ZFHX3: variants seen among roughly 807,000 people sequenced by gnomAD.
ZFHX3 encodes zinc finger homeobox 3.
In ZFHX3, 42 loss-of-function variants were observed where a neutral mutation model predicts 279.1. That is an observed-to-expected ratio of 0.15 (90% CI 0.12 to 0.19). The LOEUF (loss-of-function observed/expected upper bound fraction) is 0.19, where lower values mean the gene tolerates loss of function less well. ZFHX3 is among the 10% of genes least tolerant of loss of function. The pLI is 1.00. For missense variants in ZFHX3, 4,981 were observed against 4,754.0 expected (o/e 1.05, Z -1.40); for synonymous variants, 2,293 against 1,957.8 (o/e 1.17, Z -4.52).
chr16:72,874,334 G>C (rs1047138535), intron 4 of ZFHX3, among the ~76,000 whole-genome samples: 6 of 150,446 alleles, frequency 4.0e-5, no homozygotes, highest in South Asian at 2.1e-4. Context: ...AGCCTCCCGA[G>C]TGGCTGGGAC....
intron 3 of ZFHX3, among the ~76,000 whole-genome samples, chr16:72,908,286 C>A (rs1228343426): frequency 6.6e-6 from 1 of 152,184 alleles, no homozygotes; most frequent in African/African-American, 2.4e-5. Context: ...GGAGGACTGA[C>A]GCTGAGCTTT....
rs377699912 is a variant in ZFHX3 at position 73,728,015 on chromosome 16, G to GAC, written c.-1607-47776_-1607-47775insGT. Among the ~76,000 whole-genome samples, 400 of 75,478 alleles carry GAC rather than the reference G, an allele frequency of 5.3e-3. 2 individuals carry two copies. Among genetic ancestry groups the GAC allele is most frequent in the Non-Finnish European group, 7.2e-3 (278 of 38,374 alleles). 49.5% of individuals were successfully genotyped at this position (75,478 alleles called of 152,430 possible). A position where few individuals can be genotyped will look rare whatever the true frequency, so the allele number is the denominator to read the frequency against. ...TGGTCCCTTTTATGAGCCGAATTGTGCCCCCCCCCCGCCCCCAATAATTCA... is the reference window on the plus strand; with the variant it reads ...TGGTCCCTTTTATGAGCCGAATTGTGACCCCCCCCCCCGCCCCCAATAATTCA... On this transcript the variant is annotated intron_variant, in intron 1 of 17. Coordinates refer to the ZFHX3 transcript ENST00000641206.
chr16:73,355,787 C>G (rs376853107), intron 3 of ZFHX3, among the ~76,000 whole-genome samples: 1 of 152,178 alleles, frequency 6.6e-6, no homozygotes, highest in African/African-American at 2.4e-5. Context: ...CGCCTACTTT[C>G]CAGGGCTGTG....
At chr16:73,876,138 C>T (rs992980144) in intron 1 of ZFHX3, among the ~76,000 whole-genome samples, 2 of 152,176 alleles carry the variant, frequency 1.3e-5, no homozygotes, top group African/African-American at 4.8e-5. Flanking sequence ...TCCCTGCATG[C>T]GTGATCCTGG....
chr16:73,266,004 T>C (rs2013963262), intron 4 of ZFHX3, among the ~76,000 whole-genome samples: 1 of 151,974 alleles, frequency 6.6e-6, no homozygotes, highest in Non-Finnish European at 1.5e-5. Context: ...TAACAGAGAG[T>C]AGAGGAAACA....
chr16:73,438,712 T>C (rs1215298002), intron 3 of ZFHX3, among the ~76,000 whole-genome samples: 1 of 152,244 alleles, frequency 6.6e-6, no homozygotes, highest in African/African-American at 2.4e-5. Flanking sequence ...TAAATTTGTG[T>C]TAAATTAGAA....
At chr16:73,735,389 A>C (rs545295028) in intron 1 of ZFHX3, among the ~76,000 whole-genome samples, 4 of 151,652 alleles carry the variant, frequency 2.6e-5, no homozygotes, top group African/African-American at 9.6e-5. Context: ...TTCTAAAAAA[A>C]AAAAAAAAAA....
intron 3 of ZFHX3, among the ~76,000 whole-genome samples, chr16:73,446,115 A>G (rs891350288): frequency 6.6e-6 from 1 of 152,144 alleles, no homozygotes; most frequent in Non-Finnish European, 1.5e-5. Flanking sequence ...CAGTAACACA[A>G]AGTTATGGTC....
chr16:72,855,040 C>T (rs185925631), intron 4 of ZFHX3, among the ~76,000 whole-genome samples: 71 of 152,068 alleles, frequency 4.7e-4, no homozygotes, highest in Non-Finnish European at 7.8e-4. Context: ...CTCTACTGTA[C>T]GCAGAGATAA....
At chr16:73,130,693 C>T (rs1427792255) in intron 7 of ZFHX3, among the ~76,000 whole-genome samples, 3 of 152,202 alleles carry the variant, frequency 2.0e-5, no homozygotes, top group African/African-American at 4.8e-5. Flanking sequence ...CGGCAACCTC[C>T]GCTGCCCGGG....
At position 73,340,981 on chromosome 16, in the gene ZFHX3, A is replaced by T. The variant is rs74463159; in HGVS notation, c.-1290-22645T>A. On this transcript the variant is annotated intron_variant, in intron 3 of 17. Transcript: ENST00000641206. ...CAAAATCAAAAGATGCGTGACAAAC[A>T]GGAGAAAACTGTTTGCAATTTGTAT... is the stretch of plus-strand genomic sequence containing the variant. Among the ~76,000 whole-genome samples, 449 of 152,348 alleles carry T rather than the reference A, an allele frequency of 2.9e-3. 2 individuals carry two copies. Among genetic ancestry groups the T allele is most frequent in the African/African-American group, 0.01 (426 of 41,588 alleles).
intron 1 of ZFHX3, among the ~76,000 whole-genome samples, chr16:72,963,628 ATTGT>A (rs949045919): frequency 6.6e-6 from 1 of 152,206 alleles, no homozygotes; most frequent in Non-Finnish European, 1.5e-5. Context: ...CTTTTCAAAG[ATTGT>A]TTAAAAGGAT....
intron 1 of ZFHX3, among the ~76,000 whole-genome samples, chr16:73,718,301 C>G (rs1238611726): frequency 6.6e-6 from 1 of 152,106 alleles, no homozygotes; most frequent in Admixed American, 6.5e-5. Context: ...ATCCCAGCTA[C>G]TCGGGAGGCT....
intron 1 of ZFHX3, among the ~76,000 whole-genome samples, chr16:73,039,183 CCT>C (rs1401414136): frequency 6.6e-6 from 1 of 151,992 alleles, no homozygotes; most frequent in Non-Finnish European, 1.5e-5. Context: ...GTCTCAAGCC[CCT>C]GAGCTCAAGC....
At chr16:73,498,512 C>G (rs759256479) in intron 2 of ZFHX3, among the ~76,000 whole-genome samples, 3 of 152,212 alleles carry the variant, frequency 2.0e-5, no homozygotes, top group Non-Finnish European at 4.4e-5. Context: ...ACCTTGGCCC[C>G]TGAAGAGTTG....
At chr16:73,024,400 T>C (rs963501843) in intron 1 of ZFHX3, among the ~76,000 whole-genome samples, 1 of 152,092 alleles carries the variant, frequency 6.6e-6, no homozygotes, top group African/African-American at 2.4e-5. Flanking sequence ...CTCCCCTTCC[T>C]TCCCCCAGCC....
At chr16:73,515,641 A>G (rs1419830222) in intron 2 of ZFHX3, among the ~76,000 whole-genome samples, 2 of 152,200 alleles carry the variant, frequency 1.3e-5, no homozygotes, top group Non-Finnish European at 2.9e-5. Context: ...TCAAGAACCT[A>G]CGGATATAGT....
chr16:73,728,180 A>T (rs1251774458), intron 1 of ZFHX3, among the ~76,000 whole-genome samples: 7 of 152,000 alleles, frequency 4.6e-5, no homozygotes, highest in African/African-American at 1.4e-4. Context: ...AGAAAAGGAG[A>T]TTTGGATTTC....
chr16:73,811,854 T>C (rs1260424246), intron 1 of ZFHX3, among the ~76,000 whole-genome samples: 1 of 152,208 alleles, frequency 6.6e-6, no homozygotes, highest in Non-Finnish European at 1.5e-5. Flanking sequence ...TTGGGAGACA[T>C]GTCCAATTCC....
Sources: gnomAD v4.1 joint callset for allele counts (sites outside exome capture counted in the v4.1 genomes callset) on GRCh38, gnomAD v4.1.1 for gene constraint, MANE v1.5 for transcripts, NCBI Gene and HGNC (gene_info 2026-07-23, HGNC 2026-07-21) for gene names.